ZNF831: variants seen among roughly 807,000 people sequenced by gnomAD.
ZNF831 encodes zinc finger protein 831, also known as chromosome 20 open reading frame 174.
In ZNF831, 59 loss-of-function variants were observed where a neutral mutation model predicts 95.8. The observed-to-expected ratio is 0.62, with a 90% confidence interval of 0.50 to 0.77. The LOEUF is 0.77. ZNF831 is among the 30% of genes least tolerant of loss of function. The pLI, the probability that ZNF831 is intolerant of heterozygous loss-of-function variation, is 0.00. For synonymous variants in ZNF831, 961 were observed against 925.5 expected (o/e 1.04, Z -0.70); for missense variants, 2,205 against 2,164.0 (o/e 1.02, Z -0.38).
intron 1 of ZNF831, among the ~76,000 whole-genome samples, chr20:59,177,361 G>A (rs571137651): frequency 1.3e-5 from 2 of 152,192 alleles, no homozygotes; most frequent in Admixed American, 6.5e-5. Flanking sequence ...GCAGGCTAGC[G>A]TCTGTGGGTG....
chr20:59,134,605 T>C lies in ZNF831; in HGVS notation c.-1425+11100T>C, dbSNP rs182218153. Among the ~76,000 whole-genome samples the C allele has an allele frequency of 3.8e-3, 584 of 152,322 alleles. 13 individuals carry two copies. The highest frequency in any genetic ancestry group is 0.034 in the Admixed American group (526 of 15,306). ...CAAGAGAAACCCAGCGGTCCCACCA[T>C]GGGCCAAGCCAGAAGGCATGTGTTT... On this transcript the variant is annotated intron_variant, in intron 1 of 7. Coordinates refer to the ZNF831 transcript ENST00000637017.
chr20:59,129,048 G>A (rs747250835), intron 1 of ZNF831, among the ~76,000 whole-genome samples: 7 of 152,220 alleles, frequency 4.6e-5, no homozygotes, highest in Non-Finnish European at 1.0e-4. Flanking sequence ...ATAGGCATGA[G>A]CCACCGTGCC....
chr20:59,246,861 A>C (rs1423348379), intron 4 of ZNF831, among the ~76,000 whole-genome samples: 1 of 152,146 alleles, frequency 6.6e-6, no homozygotes, highest in Non-Finnish European at 1.5e-5. Context: ...CCTCTCCCCC[A>C]ACCCTCCCTG....
rs77009628 is a variant in ZNF831 at position 59,177,825 on chromosome 20, T to C, written c.-36-13159T>C. On this transcript the variant is annotated intron_variant, in intron 1 of 5. Transcript: ENST00000371030. Reference sequence around the variant, plus strand: ...GGACCTAGGCACACCATCCCTAATGTGACACGATGTTGCCTGGAGTTGAGG... The same window carrying C: ...GGACCTAGGCACACCATCCCTAATGCGACACGATGTTGCCTGGAGTTGAGG... Among the ~76,000 whole-genome samples, 833 of 152,242 alleles carry C rather than the reference T, an allele frequency of 5.5e-3. 38 individuals carry two copies. In the East Asian group the frequency reaches 0.12, roughly 22 times the overall value.
chr20:59,193,531 C>G lies in ZNF831; in HGVS notation c.2512C>G (p.Pro838Ala), dbSNP rs1294515944. Reference protein sequence around the residue: ...EDLHSWKQPEPVSAETPGGPT... With the variant: ...EDLHSWKQPEAVSAETPGGPT... ...CCTGCACAGCTGGAAGCAACCAGAG[C>G]CTGTGAGCGCAGAGACCCCAGGTGG... Residue 838 changes from proline to alanine, a missense_variant, in exon 2 of 6, where the codon CCT (proline) becomes GCT (alanine). By Grantham distance (27) the Pro-to-Ala change is conservative (BLOSUM62 -1). Coordinates refer to ENST00000371030, the MANE Select transcript of ZNF831 (RefSeq NM_178457.3). The G allele has an allele frequency of 6.2e-7, 1 of 1,606,346 alleles. No homozygotes were observed. The highest frequency in any genetic ancestry group is 1.1e-5 in the South Asian group (1 of 89,734).
intron 4 of ZNF831, among the ~76,000 whole-genome samples, chr20:59,207,291 C>T (rs935146950): frequency 1.3e-5 from 2 of 152,218 alleles, no homozygotes; most frequent in African/African-American, 2.4e-5. Context: ...CACCAATATC[C>T]TTGAGTACTG....
chr20:59,212,021 A>C (rs1188975996), intron 4 of ZNF831, among the ~76,000 whole-genome samples: 1 of 152,080 alleles, frequency 6.6e-6, no homozygotes, highest in Non-Finnish European at 1.5e-5. Flanking sequence ...AACTTTAGAT[A>C]CTAATCCTTT....
rs535635255 is a variant in ZNF831, at chr20:59,258,545, A to T, written c.*3802A>T. ...TGTGCTGCTGCTCAACTCCCCAGAC[A>T]TAATTTAATATGGTGAGGAGAATAT... On this transcript the variant is annotated 3_prime_UTR_variant, in exon 6 of 6. Coordinates refer to ENST00000371030, the MANE Select transcript of ZNF831 (RefSeq NM_178457.3). The T allele has an allele frequency of 6.5e-6, 1 of 152,722 alleles. No individual in the cohort carries two copies. Among genetic ancestry groups the T allele is most frequent in the African/African-American group, 2.4e-5 (1 of 41,566 alleles). The allele number at this position is 152,722 out of a possible 1,614,324, so 9.5% of individuals were successfully genotyped here. A position where few individuals can be genotyped will look rare whatever the true frequency, so the allele number is the denominator to read the frequency against.
intron 3 of ZNF831, among the ~76,000 whole-genome samples, chr20:59,205,221 C>T (rs1410466345): frequency 1.3e-5 from 2 of 152,208 alleles, no homozygotes; most frequent in African/African-American, 2.4e-5. Flanking sequence ...TCTCCATGTG[C>T]CACCCCTTCC....
intron 2 of ZNF831, among the ~76,000 whole-genome samples, chr20:59,155,743 C>T (rs891557489): frequency 6.6e-6 from 1 of 152,154 alleles, no homozygotes; most frequent in Non-Finnish European, 1.5e-5. Flanking sequence ...ACTGTTGGCT[C>T]TAAAATTCCA....
At chr20:59,244,559 A>G (rs1987499770) in intron 4 of ZNF831, among the ~76,000 whole-genome samples, 1 of 152,190 alleles carries the variant, frequency 6.6e-6, no homozygotes, top group Non-Finnish European at 1.5e-5. Flanking sequence ...TTTGTTGCAA[A>G]AAAGAAAGTA....
rs772575008 is a variant in ZNF831 at position 59,254,376 on chromosome 20, C to G, written c.4667C>G (p.Ser1556Trp). 33 of 1,614,058 alleles carry G rather than the reference C, an allele frequency of 2.0e-5. No individual in the cohort carries two copies. Among genetic ancestry groups the G allele is most frequent in the Non-Finnish European group, 2.6e-5 (31 of 1,180,018 alleles). Residue 1556 changes from serine to tryptophan, a missense_variant, in exon 6 of 6, where the codon TCG becomes TGG. Ser to Trp is a radical substitution (Grantham distance 177). Coordinates refer to ENST00000371030, the MANE Select transcript of ZNF831 (RefSeq NM_178457.3). This position sits in a 1 kb window ranked among gnomAD's most constrained non-coding sequence, Gnocchi z 4.5. ...RPSSGQRISD[S>W]VPLESTEKTH... is the part of the protein sequence containing the mutation. ...TCATCTGGACAAAGAATTTCAGATT[C>G]GGTTCCACTGGAGTCAACTGAAAAA...
rs775736317 is a variant in ZNF831 at position 59,254,524 on chromosome 20, C to A, written c.4815C>A (p.Cys1605Ter). ...GGTGTGGGGAAATGACTGTCCCCTG[C>A]CCCTCTTTAGGAAGTGACGGTAGGA... is the stretch of plus-strand genomic sequence containing the variant. ...QYGCGEMTVP[C>*]PSLGSDGRKR... Residue 1605 changes from cysteine to a stop codon, truncating the protein, a stop_gained, in exon 6 of 6, where the codon TGC (cysteine) becomes TGA (stop). Coordinates refer to ENST00000371030, the MANE Select transcript of ZNF831 (RefSeq NM_178457.3). LOFTEE classifies it low-confidence loss of function (END_TRUNC). The surrounding 1 kb of genome is among the most constrained non-coding windows in gnomAD (Gnocchi z 4.5). 4 of 1,613,994 alleles carry A rather than the reference C, an allele frequency of 2.5e-6. No homozygotes were observed. The highest frequency in any genetic ancestry group is 3.4e-6 in the Non-Finnish European group (4 of 1,180,044).
Position 59,258,648 on chromosome 20 carries a change from T to C in ZNF831, c.*3905T>C, listed in dbSNP as rs1356594345. On this transcript the variant is annotated 3_prime_UTR_variant, in exon 6 of 6. Transcript: ENST00000371030. ...CTTGTGTATTTTTCCTCACTTCAGT[T>C]GTTCTTCCCATAGTTCATGTAGGGA... 6.6e-6 allele frequency: 1 copy of C among 152,450 alleles called. No individual in the cohort carries two copies. Among genetic ancestry groups the C allele is most frequent in the East Asian group, 1.9e-4 (1 of 5,194 alleles). The allele number at this position is 152,450 out of a possible 1,614,324, so 9.4% of individuals were successfully genotyped here.
At chr20:59,219,681 T>G (rs879265671) in intron 4 of ZNF831, among the ~76,000 whole-genome samples, 8 of 152,202 alleles carry the variant, frequency 5.3e-5, no homozygotes, top group Non-Finnish European at 1.0e-4. Flanking sequence ...TCACTCTTTA[T>G]CATGCCTTCT....
At chr20:59,218,185 C>T (rs78701043) in intron 4 of ZNF831, among the ~76,000 whole-genome samples, 2 of 152,330 alleles carry the variant, frequency 1.3e-5, no homozygotes, top group East Asian at 3.9e-4. Context: ...TTTCTCAGCC[C>T]TTCCTGGGTT....
In ZNF831 at chr20:59,192,590, ACCCCTGGT is replaced by A; in HGVS notation, c.1574_1581del (p.Pro525GlnfsTer25). ...TGGCTGGAGCCCAGGGAGCCCCGGGACCCCTGGTCCAGGACGCAGAAGCCTCTGAGCCC... is the reference window on the plus strand; with the variant it reads ...TGGCTGGAGCCCAGGGAGCCCCGGGACCAGGACGCAGAAGCCTCTGAGCCC... On this transcript the variant is annotated frameshift_variant, in exon 2 of 6. Transcript: ENST00000371030. LOFTEE classifies it high-confidence loss of function. This position sits in a 1 kb window ranked among gnomAD's most constrained non-coding sequence, Gnocchi z 5.2. The A allele has an allele frequency of 6.6e-7, 1 of 1,509,656 alleles. No homozygotes were observed. Among genetic ancestry groups the A allele is most frequent in the Non-Finnish European group, 8.8e-7 (1 of 1,132,996 alleles). The allele number at this position is 1,509,656 out of a possible 1,614,324, so 93.5% of individuals were successfully genotyped here.
intron 1 of ZNF831, among the ~76,000 whole-genome samples, chr20:59,143,201 G>A (rs1979735782): frequency 6.6e-6 from 1 of 152,180 alleles, no homozygotes; most frequent in South Asian, 2.1e-4. Flanking sequence ...ACCTGGCCCT[G>A]CTTTTGTTTT....
upstream of ZNF831, among the ~76,000 whole-genome samples, chr20:59,162,367 T>C (rs543644413): frequency 6.6e-5 from 10 of 152,332 alleles, no homozygotes; most frequent in South Asian, 1.4e-3. Context: ...GGTTTTCTTG[T>C]AGGATTTTTA....
Sources: allele counts gnomAD v4.1 joint callset (sites outside exome capture counted in the v4.1 genomes callset), GRCh38; gene constraint gnomAD v4.1.1; non-coding constraint Gnocchi (gnomAD v3.1); transcripts MANE v1.5; gene names NCBI Gene and HGNC (gene_info 2026-07-23, HGNC 2026-07-21).